The following CDK5R1 variants were observed in gnomAD, a reference collection of about 807,000 sequenced individuals.
CDK5R1 encodes the protein cyclin dependent kinase 5 regulatory subunit 1, also known as cyclin-dependent kinase 5 activator 1.
Under a neutral mutation model 19.0 loss-of-function variants are expected in CDK5R1, and 1 was observed. The observed-to-expected ratio is 0.05, with a 90% CI of 0.02 to 0.25. The LOEUF (loss-of-function observed/expected upper bound fraction) is 0.25. Ranked by LOEUF, CDK5R1 falls within the 10% of genes least tolerant of loss-of-function variation. The pLI, the probability that CDK5R1 is intolerant of heterozygous loss-of-function variation, is 1.00. For missense variants in CDK5R1, 314 were observed against 401.0 expected (o/e 0.78, Z 1.85); for synonymous variants, 225 against 187.7 (o/e 1.20, Z -1.62).
chr17:32,488,485 C>T lies in CDK5R1; in HGVS notation c.865C>T (p.Leu289=), dbSNP rs749934901. The T allele has an allele frequency of 3.7e-6, 6 of 1,614,090 alleles. 1 individual carries two copies. In the African/African-American group the frequency reaches 5.3e-5, roughly 14 times the overall value. ...PHYFTQVFSD[L]KNESGQEDKK... ...CTACTTCACACAGGTCTTCTCCGAC[C>T]TGAAGAACGAGAGCGGCCAGGAGGA... The change falls in exon 2 of 2, where the codon CTG becomes TTG. Residue 289 remains leucine (L), a synonymous_variant. Transcript: ENST00000313401.
Position 32,489,501 on chromosome 17 carries a change from G to C in CDK5R1, c.*957G>C. The C allele has an allele frequency of 3.3e-6, 1 of 303,450 alleles. No homozygotes were observed. 18.8% of individuals were successfully genotyped at this position (303,450 alleles called of 1,614,324 possible). A position where few individuals can be genotyped will look rare whatever the true frequency, so the allele number is the denominator to read the frequency against. On this transcript the variant is annotated 3_prime_UTR_variant, in exon 2 of 2. Coordinates refer to ENST00000313401, the MANE Select transcript of CDK5R1 (RefSeq NM_003885.3). The stretch of plus-strand genomic sequence containing the variant: ...ACATGACATTTGTCCTGCAGAGCTG[G>C]GGGGAAGGCGATGTGGTGACCCCAC...
chr17:32,490,463 A>T lies in CDK5R1; in HGVS notation c.*1919A>T, dbSNP rs1268840700. On this transcript the variant is annotated 3_prime_UTR_variant, in exon 2 of 2. Transcript: ENST00000313401. ...TGTTTCCTTCTCTTTCTCCGTATTT[A>T]TTTTTTTATTCTTCGGAGGAGGTGG... is the stretch of plus-strand genomic sequence containing the variant. 2 of 166,992 alleles carry T rather than the reference A, an allele frequency of 1.2e-5. No individual in the cohort carries two copies. Among genetic ancestry groups the T allele is most frequent in the Non-Finnish European group, 2.9e-5 (2 of 68,154 alleles). 10.3% of individuals were successfully genotyped at this position (166,992 alleles called of 1,614,324 possible).
chr17:32,488,109 C>T lies in CDK5R1; in HGVS notation c.489C>T (p.Cys163=). ...TGGGTGAGTTTCTCTGCCGCCGGTG[C>T]TACCGCCTGAAGCACCTGTCCCCCA... The part of the protein sequence containing the change: ...RCLGEFLCRR[C]YRLKHLSPTD... The change falls in exon 2 of 2, where the codon TGC becomes TGT. Residue 163 remains cysteine, a synonymous_variant. Transcript: ENST00000313401. 1 of 1,613,188 alleles carries T rather than the reference C, an allele frequency of 6.2e-7. No individual in the cohort carries two copies.
chr17:32,487,028 C>A lies in CDK5R1; in HGVS notation c.-280C>A. ...TAGCTGCCGCCGCCGCCGCCGCCGC[C>A]GTCGCCGCCGCCGAGCGCGAGCCCA... is the stretch of plus-strand genomic sequence containing the variant. On this transcript the variant is annotated 5_prime_UTR_variant, in exon 1 of 2. Transcript: ENST00000313401. This position sits in a 1 kb window ranked among gnomAD's most constrained non-coding sequence, Gnocchi z 7.9. 6.5e-6 allele frequency: 1 copy of A among 154,786 alleles called. No homozygotes were observed. The highest frequency in any genetic ancestry group is 1.8e-4 in the South Asian group (1 of 5,672). The allele number at this position is 154,786 out of a possible 1,614,324, so 9.6% of individuals were successfully genotyped here.
chr17:32,488,591 AATTT>A lies in CDK5R1; in HGVS notation c.*51_*54del. ...CTCAAGGATTCAATGCATTTTTAAG[AATTT>A]ATTATTAAATCAGTTTTGTGTACAG... On this transcript the variant is annotated 3_prime_UTR_variant, in exon 2 of 2. Coordinates refer to ENST00000313401, the MANE Select transcript of CDK5R1 (RefSeq NM_003885.3). 6.2e-7 allele frequency: 1 copy of A among 1,612,582 alleles called. No homozygotes were observed. The highest frequency in any genetic ancestry group is 8.5e-7 in the Non-Finnish European group (1 of 1,179,586).
Position 32,489,134 on chromosome 17 carries a change from C to G in CDK5R1, c.*590C>G, listed in dbSNP as rs1047200997. The G allele has an allele frequency of 2.8e-5, 13 of 470,690 alleles. No individual in the cohort carries two copies. Among genetic ancestry groups the G allele is most frequent in the Non-Finnish European group, 4.8e-5 (11 of 227,024 alleles). 29.2% of individuals were successfully genotyped at this position (470,690 alleles called of 1,614,324 possible). A position where few individuals can be genotyped will look rare whatever the true frequency, so the allele number is the denominator to read the frequency against. Reference sequence around the variant, plus strand: ...ACACACCGCCCTGATTTGCTGTTTTCTTTTTTTAGGGAGAAGGGCTTTTCT... The same window carrying G: ...ACACACCGCCCTGATTTGCTGTTTTGTTTTTTTAGGGAGAAGGGCTTTTCT... On this transcript the variant is annotated 3_prime_UTR_variant, in exon 2 of 2. Coordinates refer to ENST00000313401, the MANE Select transcript of CDK5R1 (RefSeq NM_003885.3).
rs1908779176 is a variant in CDK5R1 at position 32,489,057 on chromosome 17, C to T, written c.*513C>T. On this transcript the variant is annotated 3_prime_UTR_variant, in exon 2 of 2. Coordinates refer to ENST00000313401, the MANE Select transcript of CDK5R1 (RefSeq NM_003885.3). ...CACCCGGGGACATCTTCAATCTAGGCGAGGCGAAGCTGAGCGGGTCTAGTG... is the reference window on the plus strand; with the variant it reads ...CACCCGGGGACATCTTCAATCTAGGTGAGGCGAAGCTGAGCGGGTCTAGTG... 2 of 435,214 alleles carry T rather than the reference C, an allele frequency of 4.6e-6. No homozygotes were observed. The highest frequency in any genetic ancestry group is 5.1e-5 in the Admixed American group (2 of 38,982). 27.0% of individuals were successfully genotyped at this position (435,214 alleles called of 1,614,324 possible). A position where few individuals can be genotyped will look rare whatever the true frequency, so the allele number is the denominator to read the frequency against.
At position 32,488,307 on chromosome 17, in the gene CDK5R1, C is replaced by T. The variant is rs1281041470; in HGVS notation, c.687C>T (p.Cys229=). The part of the protein sequence containing the change: ...DHELQAVLLT[C]LYLSYSYMGN... The stretch of plus-strand genomic sequence containing the variant: ...AGCTCCAGGCCGTCCTGCTGACATG[C>T]CTGTACCTCTCCTACTCCTACATGG... Residue 229 remains cysteine, a synonymous_variant, in exon 2 of 2, where the codon TGC becomes TGT. Transcript: ENST00000313401. 1.2e-6 allele frequency: 2 copies of T among 1,614,126 alleles called. No homozygotes were observed. Among genetic ancestry groups the T allele is most frequent in the Non-Finnish European group, 1.7e-6 (2 of 1,180,024 alleles).
chr17:32,487,614 C>CA lies in CDK5R1; in HGVS notation c.-6dup, dbSNP rs1456339420. 3 of 1,610,354 alleles carry CA rather than the reference C, an allele frequency of 1.9e-6. No individual in the cohort carries two copies. Among genetic ancestry groups the CA allele is most frequent in the Non-Finnish European group, 2.5e-6 (3 of 1,179,126 alleles). On this transcript the variant is annotated 5_prime_UTR_variant, in exon 2 of 2. Coordinates refer to ENST00000313401, the MANE Select transcript of CDK5R1 (RefSeq NM_003885.3). This position sits in a 1 kb window ranked among gnomAD's most constrained non-coding sequence, Gnocchi z 7.9. ...GCGCGAGCCCCCGCCCGGCGCGCAG[C>CA]AGCACCATGGGCACGGTGCTGTCCC... is the stretch of plus-strand genomic sequence containing the variant.
At position 32,487,030 on chromosome 17, in the gene CDK5R1, T is replaced by TCGCCGC. The variant is rs952159062; in HGVS notation, c.-272_-267dup. On this transcript the variant is annotated 5_prime_UTR_variant, in exon 1 of 2. Transcript: ENST00000313401. The surrounding 1 kb of genome is among the most constrained non-coding windows in gnomAD (Gnocchi z 7.9). ...GCTGCCGCCGCCGCCGCCGCCGCCG[T>TCGCCGC]CGCCGCCGCCGAGCGCGAGCCCAGC... 2.8e-4 allele frequency: 42 copies of TCGCCGC among 151,632 alleles called. No homozygotes were observed. Among genetic ancestry groups the TCGCCGC allele is most frequent in the Non-Finnish European group, 4.4e-4 (32 of 72,414 alleles). 9.4% of individuals were successfully genotyped at this position (151,632 alleles called of 1,614,324 possible).
rs1908768495 is a variant in CDK5R1, at chr17:32,488,743, G to A, written c.*199G>A. Reference sequence around the variant, plus strand: ...CACGAGCCTTGCGCAAAACCCAGAAGATGTATTCAGAGCCACCCAGGCCAC... The same window carrying A: ...CACGAGCCTTGCGCAAAACCCAGAAAATGTATTCAGAGCCACCCAGGCCAC... On this transcript the variant is annotated 3_prime_UTR_variant, in exon 2 of 2. Coordinates refer to ENST00000313401, the MANE Select transcript of CDK5R1 (RefSeq NM_003885.3). 3.0e-6 allele frequency: 3 copies of A among 1,002,382 alleles called. No individual in the cohort carries two copies. In the Admixed American group the frequency reaches 7.0e-5, roughly 23 times the overall value. The allele number at this position is 1,002,382 out of a possible 1,614,324, so 62.1% of individuals were successfully genotyped here. A position where few individuals can be genotyped will look rare whatever the true frequency, so the allele number is the denominator to read the frequency against.
At position 32,489,098 on chromosome 17, in the gene CDK5R1, G is replaced by A. The variant is rs1908780890; in HGVS notation, c.*554G>A. 2.1e-6 allele frequency: 1 copy of A among 469,596 alleles called. No homozygotes were observed. The highest frequency in any genetic ancestry group is 2.4e-5 in the Admixed American group (1 of 42,452). 29.1% of individuals were successfully genotyped at this position (469,596 alleles called of 1,614,324 possible). On this transcript the variant is annotated 3_prime_UTR_variant, in exon 2 of 2. Transcript: ENST00000313401. ...GGGTCTAGTGGAAAGATTGTGTCTG[G>A]TCGTTTGACCACACACCGCCCTGAT...
chr17:32,487,593 G>A lies in CDK5R1; in HGVS notation c.-28G>A, dbSNP rs1908719561. 4.4e-6 allele frequency: 7 copies of A among 1,590,266 alleles called. No homozygotes were observed. Among genetic ancestry groups the A allele is most frequent in the Non-Finnish European group, 6.0e-6 (7 of 1,169,440 alleles). On this transcript the variant is annotated 5_prime_UTR_variant, in exon 2 of 2. Coordinates refer to ENST00000313401, the MANE Select transcript of CDK5R1 (RefSeq NM_003885.3). This position sits in a 1 kb window ranked among gnomAD's most constrained non-coding sequence, Gnocchi z 7.9. ...CGGCAGGCTGGGCGCGCAGGGGCGC[G>A]AGCCCCCGCCCGGCGCGCAGCAGCA...
Position 32,489,766 on chromosome 17 carries a change from C to T in CDK5R1, c.*1222C>T, listed in dbSNP as rs1908805551. 6.0e-6 allele frequency: 1 copy of T among 167,882 alleles called. No homozygotes were observed. The highest frequency in any genetic ancestry group is 1.5e-5 in the Non-Finnish European group (1 of 68,662). 10.4% of individuals were successfully genotyped at this position (167,882 alleles called of 1,614,324 possible). On this transcript the variant is annotated 3_prime_UTR_variant, in exon 2 of 2. Transcript: ENST00000313401. ...CACAAATGTGTACTTTATTGATTTT[C>T]TTTCTAATTCTCCCGCATTGGTGGC... is the stretch of plus-strand genomic sequence containing the variant.
rs767696040 is a variant in CDK5R1 at position 32,488,410 on chromosome 17, G to C, written c.790G>C (p.Val264Leu). 2 of 1,614,022 alleles carry C rather than the reference G, an allele frequency of 1.2e-6. No homozygotes were observed. The highest frequency in any genetic ancestry group is 1.7e-6 in the Non-Finnish European group (2 of 1,180,036). Residue 264 changes from valine to leucine, a missense_variant, in exon 2 of 2, where the codon GTC (valine) becomes CTC (leucine). Transcript: ENST00000313401. ...GGCCTTTTGGGACCGTTGCCTCTCT[G>C]TCATCAACCTCATGAGCTCAAAGAT... ...KEAFWDRCLS[V>L]INLMSSKMLQ... is the part of the protein sequence containing the mutation.
Position 32,489,133 on chromosome 17 carries a change from TC to T in CDK5R1, c.*590del, listed in dbSNP as rs746754197. 107 of 471,112 alleles carry T rather than the reference TC, an allele frequency of 2.3e-4. No individual in the cohort carries two copies. Among genetic ancestry groups the T allele is most frequent in the African/African-American group, 2.0e-3 (100 of 50,206 alleles). The allele number at this position is 471,112 out of a possible 1,614,324, so 29.2% of individuals were successfully genotyped here. A position where few individuals can be genotyped will look rare whatever the true frequency, so the allele number is the denominator to read the frequency against. On this transcript the variant is annotated 3_prime_UTR_variant, in exon 2 of 2. Coordinates refer to ENST00000313401, the MANE Select transcript of CDK5R1 (RefSeq NM_003885.3). ...CACACACCGCCCTGATTTGCTGTTTTCTTTTTTTAGGGAGAAGGGCTTTTCT... is the reference window on the plus strand; with the variant it reads ...CACACACCGCCCTGATTTGCTGTTTTTTTTTTTAGGGAGAAGGGCTTTTCT...
At position 32,487,407 on chromosome 17, in the gene CDK5R1, G is replaced by GAGGGGCGC. The variant is rs997701431; in HGVS notation, c.-145-52_-145-45dup. 2,591 of 357,498 alleles carry GAGGGGCGC rather than the reference G, an allele frequency of 7.2e-3. 40 individuals are homozygous for GAGGGGCGC. Among genetic ancestry groups the GAGGGGCGC allele is most frequent in the African/African-American group, 0.047 (2,192 of 46,284 alleles). 22.1% of individuals were successfully genotyped at this position (357,498 alleles called of 1,614,324 possible). Reference sequence around the variant, plus strand: ...GCGGGGTGCGCCGAGGCGCGGGGCGGAGGGGCGCAGGGGCGCAGGGGCGCG... The same window carrying GAGGGGCGC: ...GCGGGGTGCGCCGAGGCGCGGGGCGGAGGGGCGCAGGGGCGCAGGGGCGCAGGGGCGCG... On this transcript the variant is annotated intron_variant, in intron 1 of 1. Transcript: ENST00000313401. The surrounding 1 kb of genome is among the most constrained non-coding windows in gnomAD (Gnocchi z 7.9).
Position 32,487,867 on chromosome 17 carries a change from A to G in CDK5R1, c.247A>G (p.Asn83Asp). 6.2e-7 allele frequency: 1 copy of G among 1,613,930 alleles called. No individual in the cohort carries two copies. Among genetic ancestry groups the G allele is most frequent in the Non-Finnish European group, 8.5e-7 (1 of 1,179,998 alleles). ...SYQNNITHLNNENLKKSLSCA... is the reference protein window; with the variant it reads ...SYQNNITHLNDENLKKSLSCA... ...CCAGAACAACATCACGCACCTCAAC[A>G]ATGAGAACCTGAAGAAGTCGCTGTC... Residue 83 changes from asparagine (N) to aspartate (D), a missense_variant, in exon 2 of 2, where the codon AAT (asparagine) becomes GAT (aspartate). Asn to Asp is a conservative substitution (Grantham distance 23). This residue lies in a region of CDK5R1 where 197 missense variants were observed against 230.2 expected (regional missense o/e 0.86). Transcript: ENST00000313401. The surrounding 1 kb of genome is among the most constrained non-coding windows in gnomAD (Gnocchi z 7.9).
In CDK5R1 at chr17:32,488,699, C is replaced by G. The variant is rs985041771; in HGVS notation, c.*155C>G. On this transcript the variant is annotated 3_prime_UTR_variant, in exon 2 of 2. Transcript: ENST00000313401. ...GGGTTTTTTTCATCCCTGCCAAGAACTCTGGGCACTTTTGAACTCACGAGC... is the reference window on the plus strand; with the variant it reads ...GGGTTTTTTTCATCCCTGCCAAGAAGTCTGGGCACTTTTGAACTCACGAGC... 5 of 1,390,742 alleles carry G rather than the reference C, an allele frequency of 3.6e-6. No homozygotes were observed. In the African/African-American group the frequency reaches 7.2e-5, roughly 20 times the overall value. 86.2% of individuals were successfully genotyped at this position (1,390,742 alleles called of 1,614,324 possible).
Sources: gnomAD v4.1 joint callset for allele counts on GRCh38, gnomAD v4.1.1 for gene constraint, gnomAD v4.1.1 regional missense constraint, Gnocchi (gnomAD v3.1) non-coding constraint, MANE v1.5 for transcripts, NCBI Gene and HGNC (gene_info 2026-07-23, HGNC 2026-07-21) for gene names.